Variants in RAE1 observed in about 807,000 individuals in gnomAD.
The protein encoded by RAE1 is mRNA export factor RAE1.
RAE1 carries 13 observed loss-of-function variants against 52.7 expected under a neutral mutation model. The observed-to-expected ratio is 0.25, with a 90% CI of 0.16 to 0.39. The LOEUF (loss-of-function observed/expected upper bound fraction) is 0.39, where lower values mean the gene tolerates loss of function less well. RAE1 is among the 10% of genes least tolerant of loss of function. RAE1 has a pLI of 1.00. For synonymous variants in RAE1, 164 were observed against 153.1 expected (o/e 1.07, Z -0.52); for missense variants, 262 against 459.8 (o/e 0.57, Z 3.93).
intron 4 of RAE1, among the ~76,000 whole-genome samples, chr20:57,360,638 T>G (rs2066878224): frequency 2.0e-5 from 3 of 152,254 alleles, no homozygotes; most frequent in Admixed American, 1.3e-4. Flanking sequence ...AAAGCTACTT[T>G]CGTAGTATGT....
At chr20:57,365,292 A>AAT (rs1331945464) in intron 4 of RAE1, 64 bp from the exon 5 acceptor site, 48 of 1,199,198 alleles carry the variant, frequency 4.0e-5, no homozygotes, top group South Asian at 9.7e-5. Flanking sequence ...GTAGTATCTA[A>AAT]ATATATATAT....
chr20:57,354,568 CTT>C, intron 2 of RAE1, 142 bp from the exon 3 acceptor site: 3 of 554,242 alleles, frequency 5.4e-6, no homozygotes, highest in Non-Finnish European at 9.2e-6. Context: ...TTACTCCTGT[CTT>C]TGATCAAAGT....
At chr20:57,373,628 A>G (rs1181289481) in intron 9 of RAE1, 35 bp from the exon 10 acceptor site, 1 of 1,613,526 alleles carries the variant, frequency 6.2e-7, no homozygotes, top group Admixed American at 1.7e-5. Context: ...ACTTTTTTTA[A>G]CAAAGGAAGA....
Position 57,354,147 on chromosome 20 carries a change from T to A in RAE1, c.90+19T>A. On this transcript the variant is annotated intron_variant, in intron 2 of 11. Coordinates refer to ENST00000395841, the MANE Select transcript of RAE1 (RefSeq NM_003610.4). ...CATGAAGGTACCACGAAAAGCTTCC[T>A]GGGGCTTGTAGGAAGAGTTTGGGCA... 1 of 1,606,514 alleles carries A rather than the reference T, an allele frequency of 6.2e-7. No individual in the cohort carries two copies. Among genetic ancestry groups the A allele is most frequent in the Non-Finnish European group, 8.5e-7 (1 of 1,173,562 alleles).
chr20:57,360,897 G>A (rs1043546452), intron 4 of RAE1, among the ~76,000 whole-genome samples: 1 of 152,100 alleles, frequency 6.6e-6, no homozygotes, highest in African/African-American at 2.4e-5. Flanking sequence ...CTTTTGATCC[G>A]GGTGATCTAG....
chr20:57,371,061 G>C (rs2067029213), intron 8 of RAE1: 1 of 152,086 alleles, frequency 6.6e-6, no homozygotes. Context: ...GAAATTATTT[G>C]GGAATCTGTT....
intron 11 of RAE1, 84 bp downstream of exon 11, chr20:57,374,885 C>G (rs1296505257): frequency 4.0e-6 from 6 of 1,484,154 alleles, no homozygotes; most frequent in Non-Finnish European, 5.6e-6. Flanking sequence ...TGAGTTGTGA[C>G]TCTTCTCAGG....
At chr20:57,370,316 T>A (rs1162489201) in intron 8 of RAE1, among the ~76,000 whole-genome samples, 2 of 152,206 alleles carry the variant, frequency 1.3e-5, no homozygotes, top group Non-Finnish European at 2.9e-5. Context: ...GAACAGAGCT[T>A]CATTCACTGT....
rs769232567 is a variant in RAE1 at position 57,373,596 on chromosome 20, G to C, written c.749+15G>C. 2.5e-6 allele frequency: 4 copies of C among 1,613,356 alleles called. No homozygotes were observed. Among genetic ancestry groups the C allele is most frequent in the Non-Finnish European group, 3.4e-6 (4 of 1,179,304 alleles). On this transcript the variant is annotated intron_variant, in intron 9 of 11. Coordinates refer to ENST00000395841, the MANE Select transcript of RAE1 (RefSeq NM_003610.4). The stretch of plus-strand genomic sequence containing the variant: ...CCCCCGAACCCGTAAGTGTGACTCT[G>C]TCAGCTTGCAGATTTCACTGGACTT...
At chr20:57,374,822 T>C in intron 11 of RAE1, 21 bp downstream of exon 11, 2 of 1,613,674 alleles carry the variant, frequency 1.2e-6, no homozygotes, top group Admixed American at 3.3e-5. Flanking sequence ...CCGGGCCTGC[T>C]CTGGGTGCTC....
chr20:57,365,496 T>C, intron 5 of RAE1, 54 bp downstream of exon 5: 1 of 1,252,556 alleles, frequency 8.0e-7, no homozygotes, highest in Non-Finnish European at 1.1e-6. Flanking sequence ...AGGACTGTGA[T>C]GGCTCTTTAA....
intron 7 of RAE1, among the ~76,000 whole-genome samples, chr20:57,368,269 G>C (rs1347956674): frequency 6.6e-6 from 1 of 152,186 alleles, no homozygotes; most frequent in Non-Finnish European, 1.5e-5. Context: ...CCTGTGGTAG[G>C]TTCATTTGAG....
intron 11 of RAE1, among the ~76,000 whole-genome samples, chr20:57,377,742 G>T (rs1000066145): frequency 6.6e-6 from 1 of 152,192 alleles, no homozygotes; most frequent in Non-Finnish European, 1.5e-5. Context: ...GGTGTTAAAA[G>T]GGGGCTCAGT....
intron 4 of RAE1, among the ~76,000 whole-genome samples, chr20:57,364,442 A>T (rs2066927896): frequency 1.3e-5 from 2 of 152,196 alleles, no homozygotes; most frequent in South Asian, 4.1e-4. Context: ...GATTTGTAGA[A>T]TTACAACCTC....
At chr20:57,359,018 A>G in intron 4 of RAE1, 2 of 1,522,830 alleles carry the variant, frequency 1.3e-6, no homozygotes, top group South Asian at 2.5e-5. Flanking sequence ...AGTAAGAGAC[A>G]GCTGAACCTT....
At chr20:57,365,256 C>A in intron 4 of RAE1, 100 bp from the exon 5 acceptor site, 2 of 761,218 alleles carry the variant, frequency 2.6e-6, no homozygotes, top group Non-Finnish European at 4.1e-6. Context: ...ATAAAGATTG[C>A]CAAAGTTTGC....
intron 2 of RAE1, 110 bp downstream of exon 2, chr20:57,354,238 A>C: frequency 3.4e-6 from 3 of 877,580 alleles, no homozygotes; most frequent in South Asian, 1.6e-5. Context: ...GAAAGCTTTG[A>C]AACTTTGTCT....
chr20:57,373,621 T>C (rs953496171), intron 9 of RAE1, 40 bp downstream of exon 9: 2 of 1,613,352 alleles, frequency 1.2e-6, no homozygotes, highest in Non-Finnish European at 1.7e-6. Flanking sequence ...TCACTGGACT[T>C]TTTTTAACAA....
At chr20:57,351,939 A>G (rs2066716258) in intron 1 of RAE1, 1 of 985,390 alleles carries the variant, frequency 1.0e-6, no homozygotes, top group African/African-American at 1.7e-5. Context: ...ATTAAACACC[A>G]GCCGCCCTGG....
Sources: allele counts gnomAD v4.1 joint callset (sites outside exome capture counted in the v4.1 genomes callset), GRCh38; gene constraint gnomAD v4.1.1; transcripts MANE v1.5; gene names NCBI Gene and HGNC (gene_info 2026-07-23, HGNC 2026-07-21).